PVT1: variants seen among roughly 807,000 people sequenced by gnomAD.
PVT1 encodes the protein Pvt1 oncogene.
intron 2 of PVT1, among the ~76,000 whole-genome samples, chr8:127,873,155 G>A (rs1194935761): frequency 6.6e-6 from 1 of 152,162 alleles, no homozygotes; most frequent in African/African-American, 2.4e-5. Flanking sequence ...GCCTGCCTCT[G>A]GCCTCTGGGT....
intron 2 of PVT1, among the ~76,000 whole-genome samples, chr8:127,861,118 A>G (rs1815223402): frequency 6.6e-6 from 1 of 151,478 alleles, no homozygotes; most frequent in Admixed American, 6.6e-5. Flanking sequence ...CTACCCTTCC[A>G]TGTTTTTTTC....
At chr8:128,021,812 T>C (rs1817442247) in intron 4 of PVT1, among the ~76,000 whole-genome samples, 1 of 152,196 alleles carries the variant, frequency 6.6e-6, no homozygotes, top group Admixed American at 6.5e-5. Flanking sequence ...TCAGTGTCCT[T>C]TCTCCTTCAT....
At chr8:127,905,541 A>T (rs529622546) in intron 3 of PVT1, among the ~76,000 whole-genome samples, 1 of 152,298 alleles carries the variant, frequency 6.6e-6, no homozygotes, top group South Asian at 2.1e-4. Flanking sequence ...TTCTGAGTTG[A>T]GCACCTCAAC....
chr8:128,046,532 C>T (rs893250813), intron 4 of PVT1, among the ~76,000 whole-genome samples: 5 of 152,180 alleles, frequency 3.3e-5, no homozygotes, highest in South Asian at 2.1e-4. Flanking sequence ...CTCACTAGTT[C>T]GTGCTCCATG....
At chr8:127,995,264 T>G (rs750478779) in intron 4 of PVT1, among the ~76,000 whole-genome samples, 12 of 152,208 alleles carry the variant, frequency 7.9e-5, no homozygotes, top group Non-Finnish European at 1.5e-4. Flanking sequence ...GTCTGTATCC[T>G]GGCTTTGAGT....
chr8:127,907,863 G>T (rs889189210), intron 3 of PVT1, among the ~76,000 whole-genome samples: 1 of 152,110 alleles, frequency 6.6e-6, no homozygotes, highest in Admixed American at 6.5e-5. Context: ...GGGATGGGAG[G>T]GGGGTAGCTG....
At chr8:128,003,040 C>T (rs1302747709) in intron 4 of PVT1, among the ~76,000 whole-genome samples, 4 of 131,480 alleles carry the variant, frequency 3.0e-5, no homozygotes, top group Non-Finnish European at 6.2e-5. Context: ...GCTCTTTGCC[C>T]AGGCTGGAGT....
intron 4 of PVT1, among the ~76,000 whole-genome samples, chr8:128,040,637 A>T (rs1291662922): frequency 6.6e-6 from 1 of 152,228 alleles, no homozygotes; most frequent in Admixed American, 6.5e-5. Flanking sequence ...ATCAAGAGAC[A>T]ATTGTGGGCA....
chr8:128,004,084 A>G (rs946959332), intron 4 of PVT1, among the ~76,000 whole-genome samples: 3 of 152,062 alleles, frequency 2.0e-5, no homozygotes, highest in African/African-American at 7.2e-5. Context: ...CACCCTTAGG[A>G]CCTCGTTTAA....
chr8:127,821,684 C>T (rs542938876), intron 2 of PVT1, among the ~76,000 whole-genome samples: 2 of 151,816 alleles, frequency 1.3e-5, no homozygotes, highest in Non-Finnish European at 2.9e-5. Context: ...TGGTGGTGGG[C>T]GCCTGTAGTC....
intron 2 of PVT1, among the ~76,000 whole-genome samples, chr8:127,857,474 A>C (rs1226777900): frequency 6.6e-6 from 1 of 152,060 alleles, no homozygotes; most frequent in Non-Finnish European, 1.5e-5. Flanking sequence ...GGAGTTTGAG[A>C]CTAGCCTGGA....
intron 5 of PVT1, among the ~76,000 whole-genome samples, chr8:128,079,167 T>C (rs1814139685): frequency 6.6e-6 from 1 of 152,172 alleles, no homozygotes; most frequent in South Asian, 2.1e-4. Flanking sequence ...GAACTACAGG[T>C]TGCTGACTTT....
At chr8:127,843,536 G>A (rs935088653) in intron 2 of PVT1, among the ~76,000 whole-genome samples, 2 of 151,946 alleles carry the variant, frequency 1.3e-5, no homozygotes, top group African/African-American at 2.4e-5. Flanking sequence ...TCCGCTTCCC[G>A]GGTTCACGCC....
intron 3 of PVT1, among the ~76,000 whole-genome samples, chr8:127,982,928 C>T (rs889183284): frequency 6.6e-6 from 1 of 152,076 alleles, no homozygotes; most frequent in African/African-American, 2.4e-5. Context: ...CATCTACAGA[C>T]GAGTGTTGAG....
intron 2 of PVT1, among the ~76,000 whole-genome samples, chr8:127,814,830 A>T (rs911851711): frequency 6.7e-6 from 1 of 150,000 alleles, no homozygotes; most frequent in Non-Finnish European, 1.5e-5. Context: ...TTAAACACTT[A>T]CTCTCCTCTC....
chr8:127,829,542 C>G (rs966991905), intron 2 of PVT1, among the ~76,000 whole-genome samples: 1 of 152,146 alleles, frequency 6.6e-6, no homozygotes, highest in Non-Finnish European at 1.5e-5. Context: ...CACATCTATT[C>G]TATAAAAAGA....
At chr8:128,014,939 A>C (rs16902545) in intron 4 of PVT1, among the ~76,000 whole-genome samples, 2,484 of 152,256 alleles carry the variant, frequency 0.016, 67 homozygotes, top group African/African-American at 0.056. Context: ...TAGACTTTAG[A>C]AACTGTCCAA....
intron 3 of PVT1, among the ~76,000 whole-genome samples, chr8:127,971,404 A>C (rs1816763147): frequency 6.6e-6 from 1 of 152,264 alleles, no homozygotes; most frequent in South Asian, 2.1e-4. Flanking sequence ...TTCCAAGAGT[A>C]CATGATCTGT....
chr8:127,993,510 G>A (rs573215632), intron 4 of PVT1, among the ~76,000 whole-genome samples: 27 of 152,236 alleles, frequency 1.8e-4, no homozygotes, highest in South Asian at 1.2e-3. Context: ...TCTCCGGGGG[G>A]ATTTATTCTG....
Sources: allele counts gnomAD v4.1 joint callset (sites outside exome capture counted in the v4.1 genomes callset), GRCh38; gene constraint gnomAD v4.1.1; transcripts MANE v1.5; gene names NCBI Gene and HGNC (gene_info 2026-07-23, HGNC 2026-07-21).